The following DTD1 variants were observed in gnomAD, a reference collection of about 807,000 sequenced individuals.
DTD1 encodes D-aminoacyl-tRNA deacylase 1.
A neutral mutation model predicts 25.6 loss-of-function variants in DTD1; 13 were observed. That is an observed-to-expected ratio of 0.51 (90% CI 0.33 to 0.81). DTD1 has a LOEUF of 0.81. DTD1 is among the 30% of genes least tolerant of loss of function. The pLI is 0.02. For synonymous variants in DTD1, 110 were observed against 103.6 expected, an observed-to-expected ratio of 1.06 and a Z score of -0.37; for missense variants, 193 against 266.4, an observed-to-expected ratio of 0.72 and a Z score of 1.92.
chr20:18,656,035 T>G (rs1241365454), intron 4 of DTD1, among the ~76,000 whole-genome samples: 3 of 152,146 alleles, frequency 2.0e-5, no homozygotes, highest in African/African-American at 7.2e-5. Context: ...CCTTCCAAAG[T>G]GCTGGGATTA....
rs1291087852 is a variant in DTD1 at position 18,744,274 on chromosome 20, A to G, written c.*19+3A>G. 4 of 1,610,232 alleles carry G rather than the reference A, an allele frequency of 2.5e-6. No homozygotes were observed. Among genetic ancestry groups the G allele is most frequent in the Admixed American group, 1.7e-5 (1 of 59,642 alleles). ...GTAGCTCAGGAGGCAGAATTCAGGT[A>G]GGAGTTTCCCTGCTTGGCTTCATCT... On this transcript the variant is annotated splice_donor_region_variant and intron_variant, in intron 5 of 5. Transcript: ENST00000377452.
intron 5 of DTD1, among the ~76,000 whole-genome samples, chr20:18,753,492 T>A (rs964775220): frequency 4.7e-5 from 7 of 150,518 alleles, no homozygotes; most frequent in African/African-American, 1.5e-4. Flanking sequence ...CCTGTAATCC[T>A]AGCTACTCAG....
At chr20:18,593,191 A>C (rs921866879) in intron 1 of DTD1, among the ~76,000 whole-genome samples, 1 of 152,116 alleles carries the variant, frequency 6.6e-6, no homozygotes, top group African/African-American at 2.4e-5. Flanking sequence ...CAGTTTGGTG[A>C]GTTGAAGCTT....
chr20:18,716,167 G>A (rs2061179981), intron 4 of DTD1, among the ~76,000 whole-genome samples: 1 of 152,276 alleles, frequency 6.6e-6, no homozygotes, highest in Non-Finnish European at 1.5e-5. Context: ...TGTAACCCAT[G>A]TGGTTTGTTT....
Position 18,764,741 on chromosome 20 carries a change from T to C in DTD1, c.*1401T>C, listed in dbSNP as rs1208792080. ...TTTAAACCTCTAGATTTGAAGTCAT[T>C]ACATCCCAGATGCAGACCCTGGCCA... On this transcript the variant is annotated 3_prime_UTR_variant, in exon 6 of 6. Transcript: ENST00000377452. The C allele has an allele frequency of 6.6e-6, 1 of 152,232 alleles. No homozygotes were observed. Among genetic ancestry groups the C allele is most frequent in the Non-Finnish European group, 1.5e-5 (1 of 68,062 alleles). The allele number at this position is 152,232 out of a possible 1,614,324, so 9.4% of individuals were successfully genotyped here.
At chr20:18,732,790 A>G (rs1402616671) in intron 4 of DTD1, among the ~76,000 whole-genome samples, 1 of 152,246 alleles carries the variant, frequency 6.6e-6, no homozygotes, top group Non-Finnish European at 1.5e-5. Flanking sequence ...ATGTGACAAG[A>G]TTATACTCAA....
intron 4 of DTD1, among the ~76,000 whole-genome samples, chr20:18,733,915 T>C (rs989741442): frequency 1.6e-4 from 25 of 152,226 alleles, no homozygotes; most frequent in African/African-American, 5.8e-4. Context: ...ATAATGGCAC[T>C]CTACACGGTG....
intron 3 of DTD1, among the ~76,000 whole-genome samples, chr20:18,627,101 T>G (rs1012731271): frequency 2.6e-5 from 4 of 152,246 alleles, no homozygotes; most frequent in Non-Finnish European, 5.9e-5. Flanking sequence ...GACTATCCAG[T>G]AGGATCTAGA....
In DTD1 at chr20:18,744,288, T is replaced by C. The variant is rs535816016; in HGVS notation, c.*19+17T>C. The C allele has an allele frequency of 1.8e-5, 29 of 1,607,414 alleles. No individual in the cohort carries two copies. In the East Asian group the frequency reaches 3.6e-4, roughly 20 times the overall value. On this transcript the variant is annotated intron_variant, in intron 5 of 5. Transcript: ENST00000377452. The stretch of plus-strand genomic sequence containing the variant: ...AGAATTCAGGTAGGAGTTTCCCTGC[T>C]TGGCTTCATCTTCCCACATTTTGGG...
intron 1 of DTD1, among the ~76,000 whole-genome samples, chr20:18,589,280 G>A (rs2060579599): frequency 6.6e-6 from 1 of 152,246 alleles, no homozygotes; most frequent in South Asian, 2.1e-4. Context: ...GAACCCGGGA[G>A]GCAGAGGTTG....
In DTD1 at chr20:18,765,010, T is replaced by A. The variant is rs1454459423; in HGVS notation, c.*1670T>A. On this transcript the variant is annotated 3_prime_UTR_variant, in exon 6 of 6. Coordinates refer to ENST00000377452, the MANE Select transcript of DTD1 (RefSeq NM_080820.6). Reference sequence around the variant, plus strand: ...TCCTTGTAGTAAGGGGTAACGAGGATTGCATAGAGATACGACCTAAGGATC... The same window carrying A: ...TCCTTGTAGTAAGGGGTAACGAGGAATGCATAGAGATACGACCTAAGGATC... The A allele has an allele frequency of 2.0e-5, 3 of 152,194 alleles. No individual in the cohort carries two copies. Among genetic ancestry groups the A allele is most frequent in the Non-Finnish European group, 4.4e-5 (3 of 68,034 alleles). 9.4% of individuals were successfully genotyped at this position (152,194 alleles called of 1,614,324 possible). A position where few individuals can be genotyped will look rare whatever the true frequency, so the allele number is the denominator to read the frequency against.
chr20:18,712,325 G>GTGC (rs1213717859), intron 4 of DTD1, among the ~76,000 whole-genome samples: 1 of 133,730 alleles, frequency 7.5e-6, no homozygotes, highest in East Asian at 2.4e-4. Flanking sequence ...ATTGTGTTTT[G>GTGC]AAATTCTTTC....
At chr20:18,693,389 G>T (rs1490608476) in intron 4 of DTD1, among the ~76,000 whole-genome samples, 1 of 152,068 alleles carries the variant, frequency 6.6e-6, no homozygotes, top group Non-Finnish European at 1.5e-5. Flanking sequence ...AGGTGCGGTG[G>T]CTCATGCCTG....
chr20:18,667,118 C>T (rs1364748117), intron 4 of DTD1, among the ~76,000 whole-genome samples: 5 of 152,138 alleles, frequency 3.3e-5, no homozygotes, highest in East Asian at 1.9e-4. Context: ...AGGAGGGCTA[C>T]GTGGTGGGGA....
intron 4 of DTD1, among the ~76,000 whole-genome samples, chr20:18,633,653 C>G (rs988287833): frequency 2.6e-5 from 4 of 152,138 alleles, no homozygotes; most frequent in Non-Finnish European, 5.9e-5. Flanking sequence ...GAGTGGGCCT[C>G]CCAGGGGACC....
chr20:18,697,720 T>A (rs2061083985), intron 4 of DTD1, among the ~76,000 whole-genome samples: 1 of 152,270 alleles, frequency 6.6e-6, no homozygotes, highest in African/African-American at 2.4e-5. Flanking sequence ...AGTCTCGCTC[T>A]TTCGCCCAGG....
In DTD1 at chr20:18,756,267, T is replaced by G. The variant is rs560482521; in HGVS notation, c.*20-7093T>G. On this transcript the variant is annotated intron_variant, in intron 5 of 5. Transcript: ENST00000377452. ...TTTCTTTTGCTGTGCAGAAGCTCTT[T>G]AGTTTAATTAGATCCCATTTGTCAA... Among the ~76,000 whole-genome samples, 1,405 of 152,272 alleles carry G rather than the reference T, an allele frequency of 9.2e-3. 14 individuals are homozygous for G. Among genetic ancestry groups the G allele is most frequent in the African/African-American group, 0.022 (910 of 41,568 alleles).
rs989873244 is a variant in DTD1, at chr20:18,641,457, G to A, written c.477+13224G>A. Among the ~76,000 whole-genome samples the A allele has an allele frequency of 2.0e-5, 3 of 152,044 alleles. 1 individual carries two copies. The highest frequency in any genetic ancestry group is 4.8e-5 in the African/African-American group (2 of 41,394). On this transcript the variant is annotated intron_variant, in intron 4 of 5. Coordinates refer to ENST00000377452, the MANE Select transcript of DTD1 (RefSeq NM_080820.6). ...GTCTGTACCATTTTACATTCCTACC[G>A]GCAATGCTCAAGGGTTCTGATTTCC...
At chr20:18,650,399 T>G (rs926186694) in intron 4 of DTD1, among the ~76,000 whole-genome samples, 22 of 152,268 alleles carry the variant, frequency 1.4e-4, no homozygotes, top group African/African-American at 5.1e-4. Flanking sequence ...TTGCAGCCTA[T>G]CACGGCCCCG....
Sources: allele counts gnomAD v4.1 joint callset (sites outside exome capture counted in the v4.1 genomes callset), GRCh38; gene constraint gnomAD v4.1.1; transcripts MANE v1.5; gene names NCBI Gene and HGNC (gene_info 2026-07-23, HGNC 2026-07-21).